Variants in DOCK3 observed in about 807,000 individuals in gnomAD.
DOCK3 encodes dedicator of cytokinesis 3, also known as dedicator of cytokinesis protein 3.
DOCK3 carries 60 observed loss-of-function variants against 265.6 expected under a neutral mutation model. The observed-to-expected ratio is 0.23, with a 90% CI of 0.18 to 0.28. DOCK3 has a LOEUF of 0.28. Among genes scored for constraint, DOCK3 ranks in the 10% least tolerant of loss-of-function variants. The probability of loss-of-function intolerance (pLI) is 1.00; values close to 1 mark genes in which losing one functional copy is unlikely to be tolerated. For synonymous variants in DOCK3, 881 were observed against 938.0 expected (o/e 0.94, Z 1.11); for missense variants, 1,981 against 2,594.3 (o/e 0.76, Z 5.14).
At chr3:50,923,225 A>G (rs553851025) in intron 4 of DOCK3, among the ~76,000 whole-genome samples, 3 of 152,226 alleles carry the variant, frequency 2.0e-5, no homozygotes, top group African/African-American at 7.2e-5. Flanking sequence ...GCTCCTATAG[A>G]CATGTGTGTG....
chr3:50,788,156 A>G (rs555902492), intron 2 of DOCK3: 5 of 759,394 alleles, frequency 6.6e-6, no homozygotes, highest in Non-Finnish European at 1.0e-5. Flanking sequence ...GGACAGGTCA[A>G]GTTCCTTGTG....
chr3:51,232,767 G>A (rs1245823027), intron 19 of DOCK3, among the ~76,000 whole-genome samples: 1 of 152,056 alleles, frequency 6.6e-6, no homozygotes, highest in Non-Finnish European at 1.5e-5. Flanking sequence ...TGTAGATTCT[G>A]GATACTAATC....
intron 1 of DOCK3, among the ~76,000 whole-genome samples, chr3:50,691,644 G>C (rs543812031): frequency 6.6e-6 from 1 of 152,322 alleles, no homozygotes; most frequent in East Asian, 1.9e-4. Flanking sequence ...CTAGTGTACT[G>C]TTTTCTGTAG....
intron 2 of DOCK3, chr3:50,788,348 A>G (rs1221319012): frequency 4.0e-6 from 1 of 252,240 alleles, no homozygotes; most frequent in Non-Finnish European, 7.5e-6. Context: ...AAAACAAGGT[A>G]ATTATTAAGA....
At chr3:50,676,453 C>T (rs1222809017) in intron 1 of DOCK3, among the ~76,000 whole-genome samples, 2 of 152,268 alleles carry the variant, frequency 1.3e-5, no homozygotes, top group African/African-American at 4.8e-5. Context: ...GAGCTCTGGT[C>T]CTAGAGTCTC....
intron 35 of DOCK3, 124 bp from the exon 36 acceptor site, chr3:51,338,235 T>C: frequency 2.0e-6 from 2 of 1,019,710 alleles, no homozygotes; most frequent in South Asian, 1.5e-5. Flanking sequence ...ATGGAAGCAG[T>C]TCCTGTTGGA....
chr3:50,988,246 C>G (rs2077975339), intron 5 of DOCK3, among the ~76,000 whole-genome samples: 1 of 152,162 alleles, frequency 6.6e-6, no homozygotes, highest in African/African-American at 2.4e-5. Flanking sequence ...CCCAGCACTG[C>G]ACAGCTGCTT....
chr3:51,297,999 G>A (rs113625989), intron 27 of DOCK3, among the ~76,000 whole-genome samples: 3 of 152,086 alleles, frequency 2.0e-5, no homozygotes, highest in African/African-American at 7.2e-5. Flanking sequence ...AACAAAAAAA[G>A]AGTAGATATA....
At chr3:50,929,070 C>A (rs1310224139) in intron 4 of DOCK3, among the ~76,000 whole-genome samples, 8 of 152,198 alleles carry the variant, frequency 5.3e-5, no homozygotes, top group African/African-American at 2.4e-5. Context: ...ATGATATTTT[C>A]AACTTACAGT....
chr3:50,677,047 C>T (rs1484827747), intron 1 of DOCK3, among the ~76,000 whole-genome samples: 7 of 152,182 alleles, frequency 4.6e-5, no homozygotes, highest in Non-Finnish European at 7.3e-5. Flanking sequence ...CAGCAAGATG[C>T]AACGAAATTC....
At chr3:51,087,539 A>G (rs1219889130) in intron 7 of DOCK3, among the ~76,000 whole-genome samples, 1 of 152,222 alleles carries the variant, frequency 6.6e-6, no homozygotes, top group Non-Finnish European at 1.5e-5. Flanking sequence ...CTGAATGAGG[A>G]AAAGCTGAAA....
intron 3 of DOCK3, among the ~76,000 whole-genome samples, chr3:50,861,824 A>T (rs2046926302): frequency 7.0e-6 from 1 of 141,964 alleles, no homozygotes; most frequent in African/African-American, 2.6e-5. Context: ...GGGTGTCATT[A>T]CATATGAGAT....
At chr3:51,020,175 A>C (rs1351547167) in intron 5 of DOCK3, among the ~76,000 whole-genome samples, 1 of 151,860 alleles carries the variant, frequency 6.6e-6, no homozygotes, top group Non-Finnish European at 1.5e-5. Flanking sequence ...TGACTGGCCT[A>C]AGATGGTATC....
chr3:50,914,205 ATAGTT>A (rs1475461639), intron 4 of DOCK3, among the ~76,000 whole-genome samples: 1 of 149,848 alleles, frequency 6.7e-6, no homozygotes, highest in East Asian at 2.0e-4. Flanking sequence ...TTTCGGCTCT[ATAGTT>A]TATTTTCTTA....
At position 50,712,633 on chromosome 3, in the gene DOCK3, C is replaced by T. The variant is rs868684462; in HGVS notation, c.37+37333C>T. On this transcript the variant is annotated intron_variant, in intron 1 of 52. Coordinates refer to ENST00000266037, the MANE Select transcript of DOCK3 (RefSeq NM_004947.5). The stretch of plus-strand genomic sequence containing the variant: ...GATTACAGGCATGAACCACCATGTC[C>T]GGCCGCCTCTTGTAAGATTTGACAG... 3.4e-4 allele frequency among the ~76,000 whole-genome samples: 52 copies of T among 152,302 alleles called. 1 individual carries two copies. The highest frequency in any genetic ancestry group is 3.4e-3 in the Middle Eastern group (1 of 294).
At chr3:51,322,281 C>A (rs1444182020) in intron 32 of DOCK3, among the ~76,000 whole-genome samples, 2 of 152,188 alleles carry the variant, frequency 1.3e-5, no homozygotes, top group Non-Finnish European at 2.9e-5. Flanking sequence ...CGGCTCACTG[C>A]AAGTTCTGCC....
At chr3:50,861,854 GTTTTTTT>G (rs61401631) in intron 3 of DOCK3, among the ~76,000 whole-genome samples, 1 of 114,434 alleles carries the variant, frequency 8.7e-6, no homozygotes, top group Non-Finnish European at 1.8e-5. Flanking sequence ...AGGTTGGGTC[GTTTTTTT>G]TTTTTTTTTA....
rs182222333 is a variant in DOCK3 at position 50,790,893 on chromosome 3, T to G, written c.121+12135T>G. Among the ~76,000 whole-genome samples, 8 of 152,344 alleles carry G rather than the reference T, an allele frequency of 5.3e-5. No individual in the cohort carries two copies. In the East Asian group the frequency reaches 1.2e-3, roughly 22 times the overall value. ...TCAATGATACTTTTTTTCATATGCT[T>G]CTTGGCCACATGAATGTCTTTTTTT... On this transcript the variant is annotated intron_variant, in intron 2 of 52. Coordinates refer to ENST00000266037, the MANE Select transcript of DOCK3 (RefSeq NM_004947.5).
intron 5 of DOCK3, among the ~76,000 whole-genome samples, chr3:50,935,798 A>T (rs891950377): frequency 2.6e-5 from 4 of 152,214 alleles, no homozygotes; most frequent in African/African-American, 7.2e-5. Context: ...AACTGGATTG[A>T]TGTTCAACCA....
Sources: gnomAD v4.1 joint callset for allele counts (sites outside exome capture counted in the v4.1 genomes callset) on GRCh38, gnomAD v4.1.1 for gene constraint, MANE v1.5 for transcripts, NCBI Gene and HGNC (gene_info 2026-07-23, HGNC 2026-07-21) for gene names.